Variants in LIPC observed in about 807,000 individuals in gnomAD.
LIPC encodes the protein hepatic triacylglycerol lipase.
A neutral mutation model predicts 50.7 loss-of-function variants in LIPC; 44 were observed. The observed-to-expected ratio is 0.87, with a 90% CI of 0.68 to 1.11. The LOEUF (loss-of-function observed/expected upper bound fraction) is 1.11. Ranked by LOEUF, LIPC falls within the 50% of genes most tolerant of loss-of-function variation. The pLI is 0.00. For synonymous variants in LIPC, 271 were observed against 256.4 expected, an observed-to-expected ratio of 1.06 and a Z score of -0.54; for missense variants, 697 against 648.2, an observed-to-expected ratio of 1.08 and a Z score of -0.82.
rs1317453100 is a variant in LIPC, at chr15:58,568,882, T to G, written c.*55T>G. 3.8e-6 allele frequency: 4 copies of G among 1,048,114 alleles called. No homozygotes were observed. Among genetic ancestry groups the G allele is most frequent in the Non-Finnish European group, 5.7e-6 (4 of 707,066 alleles). 64.9% of individuals were successfully genotyped at this position (1,048,114 alleles called of 1,614,324 possible). On this transcript the variant is annotated 3_prime_UTR_variant, in exon 9 of 9. Coordinates refer to ENST00000299022, the MANE Select transcript of LIPC (RefSeq NM_000236.3). The stretch of plus-strand genomic sequence containing the variant: ...AATGAATCTTACTCCTTATCTGGAA[T>G]GGCTGCCTTATTTAGAAGCCAAAAT...
chr15:58,471,883 T>TC (rs1381926832), intron 1 of LIPC, among the ~76,000 whole-genome samples: 3 of 152,182 alleles, frequency 2.0e-5, no homozygotes, highest in South Asian at 2.1e-4. Flanking sequence ...ACCCTTGGGC[T>TC]CCCCAGTGAA....
At chr15:58,546,727 T>A (rs1452298805) in intron 5 of LIPC, among the ~76,000 whole-genome samples, 1 of 152,114 alleles carries the variant, frequency 6.6e-6, no homozygotes, top group Non-Finnish European at 1.5e-5. Flanking sequence ...CCAAGCCAAG[T>A]AGAGCCCTCC....
intron 1 of LIPC, among the ~76,000 whole-genome samples, chr15:58,455,789 A>G (rs545764603): frequency 6.6e-6 from 1 of 152,314 alleles, no homozygotes; most frequent in South Asian, 2.1e-4. Flanking sequence ...ATTGTATAAT[A>G]CCTTGATAGC....
chr15:58,446,631 T>C (rs1233915700), intron 1 of LIPC, among the ~76,000 whole-genome samples: 1 of 152,134 alleles, frequency 6.6e-6, no homozygotes, highest in Non-Finnish European at 1.5e-5. Context: ...CCATGGCCTC[T>C]TGCGGACCTC....
chr15:58,525,098 T>G (rs1283503708), intron 1 of LIPC, among the ~76,000 whole-genome samples: 5 of 152,220 alleles, frequency 3.3e-5, no homozygotes, highest in African/African-American at 1.2e-4. Context: ...TCCTGATGTA[T>G]GATGAGAGGT....
chr15:58,496,216 T>C (rs1288432385), intron 1 of LIPC, among the ~76,000 whole-genome samples: 1 of 152,152 alleles, frequency 6.6e-6, no homozygotes, highest in African/African-American at 2.4e-5. Context: ...AGGATGTTAC[T>C]GGTATCTAGT....
intron 1 of LIPC, among the ~76,000 whole-genome samples, chr15:58,465,183 C>T (rs1175789209): frequency 6.6e-6 from 1 of 152,108 alleles, no homozygotes; most frequent in African/African-American, 2.4e-5. Flanking sequence ...TCAAGTGCAC[C>T]CTACATCTGT....
chr15:58,505,106 T>G (rs1192967409), intron 1 of LIPC, among the ~76,000 whole-genome samples: 4 of 152,222 alleles, frequency 2.6e-5, no homozygotes, highest in African/African-American at 7.2e-5. Flanking sequence ...CTGGGGCATC[T>G]GAAACTTGAT....
At chr15:58,538,189 C>T (rs1275124315) in intron 1 of LIPC, 144 bp from the exon 2 acceptor site, 1 of 841,642 alleles carries the variant, frequency 1.2e-6, no homozygotes, top group East Asian at 2.5e-5. Flanking sequence ...CTTTGGGGCT[C>T]CCCACAGTTG....
intron 1 of LIPC, among the ~76,000 whole-genome samples, chr15:58,508,998 C>A (rs1359654570): frequency 6.6e-6 from 1 of 152,152 alleles, no homozygotes; most frequent in Non-Finnish European, 1.5e-5. Context: ...CAAAGCAAAC[C>A]TTATACAGTA....
chr15:58,436,465 A>G (rs1380903946), intron 1 of LIPC: 5 of 256,368 alleles, frequency 2.0e-5, no homozygotes, highest in African/African-American at 1.1e-4. Context: ...CTGCATTTGA[A>G]TATCTTAAAG....
intron 1 of LIPC, among the ~76,000 whole-genome samples, chr15:58,453,827 C>T (rs1894007100): frequency 6.7e-6 from 1 of 149,562 alleles, no homozygotes; most frequent in South Asian, 2.1e-4. Context: ...GAGAGCGAGG[C>T]TGCAGTGAGC....
Position 58,435,150 on chromosome 15 carries a change from T to A in LIPC, c.88+3030T>A, listed in dbSNP as rs137865231. On this transcript the variant is annotated intron_variant, in intron 1 of 8. Transcript: ENST00000299022. ...TATTAACACATATAATGTAATTTTA[T>A]GAAAAATAACTTGTATTTTCCAAAT... 1.5e-3 allele frequency: 230 copies of A among 152,360 alleles called. 3 individuals are homozygous for A. Among genetic ancestry groups the A allele is most frequent in the African/African-American group, 5.4e-3 (224 of 41,580 alleles). 9.4% of individuals were successfully genotyped at this position (152,360 alleles called of 1,614,324 possible). A position where few individuals can be genotyped will look rare whatever the true frequency, so the allele number is the denominator to read the frequency against.
At chr15:58,519,118 C>T (rs1420167818) in intron 1 of LIPC, among the ~76,000 whole-genome samples, 1 of 152,130 alleles carries the variant, frequency 6.6e-6, no homozygotes, top group African/African-American at 2.4e-5. Context: ...ATTAACAGAA[C>T]TACACTTCAG....
chr15:58,501,989 G>A (rs1264861936), intron 1 of LIPC, among the ~76,000 whole-genome samples: 1 of 152,188 alleles, frequency 6.6e-6, no homozygotes, highest in Non-Finnish European at 1.5e-5. Flanking sequence ...CTCCTGGGGA[G>A]GCTAGAATTT....
chr15:58,444,910 T>C (rs1255657527), intron 1 of LIPC, among the ~76,000 whole-genome samples: 1 of 152,250 alleles, frequency 6.6e-6, no homozygotes, highest in African/African-American at 2.4e-5. Context: ...CTTTGTTCTA[T>C]TTGAGCTTCA....
intron 1 of LIPC, among the ~76,000 whole-genome samples, chr15:58,468,160 C>T (rs1217514921): frequency 6.6e-6 from 1 of 152,178 alleles, no homozygotes; most frequent in Non-Finnish European, 1.5e-5. Context: ...GATAAGAATA[C>T]TGGGTTCAAA....
intron 1 of LIPC, among the ~76,000 whole-genome samples, chr15:58,465,626 C>A (rs1375096171): frequency 6.6e-6 from 1 of 152,038 alleles, no homozygotes; most frequent in Admixed American, 6.6e-5. Flanking sequence ...CAAGTGAATC[C>A]AGGAAGTTGG....
intron 1 of LIPC, among the ~76,000 whole-genome samples, chr15:58,524,019 A>G (rs185704785): frequency 2.6e-5 from 4 of 152,350 alleles, no homozygotes; most frequent in Admixed American, 1.3e-4. Context: ...AAAATAGAAT[A>G]GATTTGCAAA....
Sources: allele counts gnomAD v4.1 joint callset (sites outside exome capture counted in the v4.1 genomes callset), GRCh38; gene constraint gnomAD v4.1.1; transcripts MANE v1.5; gene names NCBI Gene and HGNC (gene_info 2026-07-23, HGNC 2026-07-21).